The following SUMF1 variants were observed in gnomAD, a reference collection of about 807,000 sequenced individuals.
SUMF1 encodes sulfatase modifying factor 1, also known as formylglycine-generating enzyme.
A neutral mutation model predicts 47.6 loss-of-function variants in SUMF1; 48 were observed. That is an observed-to-expected ratio of 1.01 (90% confidence interval 0.80 to 1.28). The LOEUF (loss-of-function observed/expected upper bound fraction) is 1.28. SUMF1 is among the 50% of genes most tolerant of loss of function. SUMF1 has a pLI of 0.00. For missense variants in SUMF1, 571 were observed against 485.4 expected (o/e 1.18, Z -1.66); for synonymous variants, 230 against 192.1 (o/e 1.20, Z -1.63).
chr3:4,366,510 A>G (rs6442880), intron 8 of SUMF1, among the ~76,000 whole-genome samples: 89,508 of 146,890 alleles, frequency 0.61, 27,820 homozygotes, highest in East Asian at 0.76. Context: ...GATTGCATCG[A>G]CTCCTGAGGC....
chr3:4,315,369 G>A (rs1698594559), intron 8 of SUMF1, among the ~76,000 whole-genome samples: 1 of 152,168 alleles, frequency 6.6e-6, no homozygotes, highest in Admixed American at 6.5e-5. Context: ...CCTTTTCTAT[G>A]TCCTTTTGCC....
In SUMF1 at chr3:4,365,744, T is replaced by G. The variant is rs913383073; in HGVS notation, c.1015-3490A>C. ...TAAAGTTAATATTGTTATGTGTGAA[T>G]TTGATCCTGTCATTATGATGTTAGC... On this transcript the variant is annotated intron_variant, in intron 8 of 8. Transcript: ENST00000272902. Among the ~76,000 whole-genome samples, 8 of 149,700 alleles carry G rather than the reference T, an allele frequency of 5.3e-5. No individual in the cohort carries two copies. The South Asian group carries it at 1.7e-3, about 32-fold the overall frequency.
chr3:4,286,606 C>T (rs1173474940), intron 8 of SUMF1, among the ~76,000 whole-genome samples: 2 of 151,926 alleles, frequency 1.3e-5, no homozygotes, highest in African/African-American at 2.4e-5. Context: ...TGTTAAAGCC[C>T]ATGATTCCAA....
chr3:4,346,591 C>T (rs1471005889), intron 8 of SUMF1, among the ~76,000 whole-genome samples: 1 of 151,744 alleles, frequency 6.6e-6, no homozygotes, highest in Middle Eastern at 3.2e-3. Flanking sequence ...GATCTCAAAT[C>T]GATACCCTAA....
At chr3:4,105,752 C>T (rs1267196373) in intron 8 of SUMF1, among the ~76,000 whole-genome samples, 1 of 152,094 alleles carries the variant, frequency 6.6e-6, no homozygotes, top group Non-Finnish European at 1.5e-5. Context: ...ACTGCTCCTA[C>T]TAGTCCCCTT....
chr3:4,327,853 C>G (rs1473445530), intron 8 of SUMF1, among the ~76,000 whole-genome samples: 1 of 152,088 alleles, frequency 6.6e-6, no homozygotes, highest in Admixed American at 6.6e-5. Flanking sequence ...CACTTGATAT[C>G]ACAAAATAGG....
At chr3:4,136,785 A>C (rs1693943403) in intron 8 of SUMF1, among the ~76,000 whole-genome samples, 1 of 151,302 alleles carries the variant, frequency 6.6e-6, no homozygotes, top group South Asian at 2.1e-4. Flanking sequence ...GAAAAAAACA[A>C]ACAACCCCAT....
At chr3:4,159,139 C>G (rs779202497) in intron 8 of SUMF1, among the ~76,000 whole-genome samples, 1 of 151,188 alleles carries the variant, frequency 6.6e-6, no homozygotes, top group Non-Finnish European at 1.5e-5. Flanking sequence ...CTTACTATTA[C>G]CAGTAAGGTT....
chr3:4,277,613 A>C (rs2125042874), intron 8 of SUMF1, among the ~76,000 whole-genome samples: 1 of 152,216 alleles, frequency 6.6e-6, no homozygotes. Flanking sequence ...CTCAAAATGA[A>C]AAACGTTTAT....
chr3:4,229,600 C>A (rs527918924), intron 8 of SUMF1, among the ~76,000 whole-genome samples: 6 of 152,210 alleles, frequency 3.9e-5, no homozygotes, highest in African/African-American at 1.4e-4. Context: ...ACACAGTAAA[C>A]ATTTAATAAA....
intron 8 of SUMF1, among the ~76,000 whole-genome samples, chr3:4,321,769 T>TAC (rs1329940397): frequency 6.6e-6 from 1 of 152,166 alleles, no homozygotes; most frequent in East Asian, 1.9e-4. Flanking sequence ...CATAAATTCC[T>TAC]ACTCCTTTAG....
chr3:4,429,042 G>T (rs1702154160), intron 3 of SUMF1, among the ~76,000 whole-genome samples: 1 of 152,130 alleles, frequency 6.6e-6, no homozygotes, highest in Non-Finnish European at 1.5e-5. Context: ...AACCATTCAG[G>T]TTATGTTCAA....
chr3:4,162,314 C>G (rs572329070), intron 8 of SUMF1, among the ~76,000 whole-genome samples: 2 of 152,290 alleles, frequency 1.3e-5, no homozygotes, highest in East Asian at 1.9e-4. Context: ...GCTGCCCTGT[C>G]TGGTGTCTCA....
chr3:4,149,955 C>A (rs1343255674), intron 8 of SUMF1, among the ~76,000 whole-genome samples: 1 of 152,054 alleles, frequency 6.6e-6, no homozygotes, highest in Non-Finnish European at 1.5e-5. Context: ...GCATATCTTC[C>A]ATATTTAAAT....
chr3:4,425,316 G>A (rs532269959), intron 3 of SUMF1, among the ~76,000 whole-genome samples: 1 of 151,978 alleles, frequency 6.6e-6, no homozygotes, highest in South Asian at 2.1e-4. Context: ...TACTTCCTGG[G>A]GATGTTATAA....
intron 3 of SUMF1, among the ~76,000 whole-genome samples, chr3:4,424,094 T>G (rs920246849): frequency 2.6e-5 from 4 of 152,198 alleles, no homozygotes; most frequent in Admixed American, 2.0e-4. Flanking sequence ...AATTCCTCAG[T>G]TGCAATAATT....
chr3:4,349,684 G>A (rs1355643826), intron 8 of SUMF1, among the ~76,000 whole-genome samples: 1 of 152,222 alleles, frequency 6.6e-6, no homozygotes, highest in Non-Finnish European at 1.5e-5. Context: ...GCCCTTTGCA[G>A]GGACATGGAT....
intron 8 of SUMF1, among the ~76,000 whole-genome samples, chr3:4,164,223 G>A (rs1249556263): frequency 1.3e-5 from 2 of 152,130 alleles, no homozygotes; most frequent in African/African-American, 4.8e-5. Flanking sequence ...AGCTGTCCCA[G>A]GATTCCTAGG....
intron 6 of SUMF1, among the ~76,000 whole-genome samples, chr3:4,415,414 C>T (rs1040501199): frequency 6.6e-5 from 10 of 152,158 alleles, no homozygotes; most frequent in Admixed American, 3.3e-4. Context: ...AAAACATGCC[C>T]CAAGTGTTCT....
Sources: gnomAD v4.1 joint callset for allele counts (sites outside exome capture counted in the v4.1 genomes callset) on GRCh38, gnomAD v4.1.1 for gene constraint, MANE v1.5 for transcripts, NCBI Gene and HGNC (gene_info 2026-07-23, HGNC 2026-07-21) for gene names.